Variants in CASK observed in about 807,000 individuals in gnomAD.
CASK encodes peripheral plasma membrane protein CASK.
A neutral mutation model predicts 82.9 loss-of-function variants in CASK; 4 were observed. The observed-to-expected ratio is 0.05, with a 90% CI of 0.02 to 0.11. CASK has a LOEUF of 0.11. CASK is among the 10% of genes least tolerant of loss of function. The probability of loss-of-function intolerance (pLI) is 1.00; values close to 1 mark genes in which losing one functional copy is unlikely to be tolerated. For missense variants in CASK, 358 were observed against 720.9 expected, an observed-to-expected ratio of 0.50 and a Z score of 5.76; for synonymous variants, 259 against 253.5, an observed-to-expected ratio of 1.02 and a Z score of -0.20.
intron 5 of CASK, among the ~76,000 whole-genome samples, chrX:41,707,414 A>G (rs1396678501): frequency 1.8e-5 from 2 of 112,003 alleles, no homozygotes; most frequent in Non-Finnish European, 3.8e-5. Context: ...ACAGATGACT[A>G]AGCTGCATGA....
intron 3 of CASK, among the ~76,000 whole-genome samples, chrX:41,779,918 T>C (rs1211851625): frequency 9.0e-6 from 1 of 111,286 alleles, no homozygotes; most frequent in African/African-American, 3.3e-5. Context: ...AAACTGCTAA[T>C]ATTATTTTAA....
At chrX:41,528,162 A>C (rs910412339) in intron 25 of CASK, among the ~76,000 whole-genome samples, 1 of 112,607 alleles carries the variant, frequency 8.9e-6, no homozygotes, top group Non-Finnish European at 1.9e-5. Context: ...CAATTATGTT[A>C]AGCCTTGGTT....
At chrX:41,744,960 G>A (rs1401547325) in intron 4 of CASK, among the ~76,000 whole-genome samples, 1 of 111,712 alleles carries the variant, frequency 9.0e-6, no homozygotes, top group Non-Finnish European at 1.9e-5. Context: ...CATCAGAAAT[G>A]GGAAAGACAG....
intron 5 of CASK, chrX:41,727,526 T>C (rs1425997152): frequency 2.5e-6 from 3 of 1,210,219 alleles, no homozygotes; most frequent in Admixed American, 4.3e-5. Context: ...CTGGGCATAA[T>C]CATTCCAGTT....
In CASK at chrX:41,829,627, G is replaced by A. The variant is rs1189907770; in HGVS notation, c.172+23488C>T. 2.5e-3 allele frequency among the ~76,000 whole-genome samples: 26 copies of A among 10,356 alleles called. 1 individual carries two copies. The highest frequency in any genetic ancestry group is 3.6e-3 in the Non-Finnish European group (23 of 6,473). 9.0% of individuals were successfully genotyped at this position (10,356 alleles called of 115,157 possible). On this transcript the variant is annotated intron_variant, in intron 2 of 26. Coordinates refer to ENST00000378163, the MANE Select transcript of CASK (RefSeq NM_001367721.1). The stretch of plus-strand genomic sequence containing the variant: ...TTTTGTTTTTTTTTTTTTTGGGGGG[G>A]TGGGGGTGAACATATGTTAAGACAT...
At chrX:41,900,417 C>G (rs2072348734) in intron 1 of CASK, among the ~76,000 whole-genome samples, 1 of 110,554 alleles carries the variant, frequency 9.0e-6, no homozygotes, top group Non-Finnish European at 1.9e-5. Context: ...CTCATAACTC[C>G]CATAGGCTGT....
chrX:41,869,824 A>AAAAAAAAAAAAAAAAAC, intron 1 of CASK, among the ~76,000 whole-genome samples: 1 of 101,506 alleles, frequency 9.9e-6, no homozygotes, highest in Non-Finnish European at 2.0e-5. Flanking sequence ...AAAAAAAAAA[A>AAAAAAAAAAAAAAAAAC]AAAAAAAAAA....
chrX:41,584,201 A>G (rs1328482921), intron 14 of CASK: 1 of 112,959 alleles, frequency 8.9e-6, no homozygotes, highest in African/African-American at 3.2e-5. Flanking sequence ...GGAGCAACTA[A>G]TAATAGGTAT....
At chrX:41,593,543 T>C (rs965991175) in intron 12 of CASK, among the ~76,000 whole-genome samples, 8 of 111,734 alleles carry the variant, frequency 7.2e-5, no homozygotes, top group African/African-American at 2.3e-4. Context: ...CAGAAATGTA[T>C]GAAGGATTCA....
chrX:41,626,026 A>G (rs1419010126), intron 10 of CASK, among the ~76,000 whole-genome samples: 2 of 97,810 alleles, frequency 2.0e-5, no homozygotes, highest in Non-Finnish European at 4.1e-5. Flanking sequence ...CTGGTCTCGA[A>G]CTCCTGACCT....
intron 3 of CASK, among the ~76,000 whole-genome samples, chrX:41,770,260 C>CTATG (rs1372475510): frequency 1.5e-5 from 1 of 68,165 alleles, no homozygotes; most frequent in Non-Finnish European, 3.0e-5. Context: ...TATCTATCAT[C>CTATG]TATCTATCTA....
chrX:41,788,287 A>G (rs1327716933), intron 2 of CASK, among the ~76,000 whole-genome samples: 1 of 111,039 alleles, frequency 9.0e-6, no homozygotes, highest in Admixed American at 9.6e-5. Flanking sequence ...TATTTGGAAA[A>G]CAAAGTTGTT....
chrX:41,859,943 C>A (rs1446416049), intron 1 of CASK, among the ~76,000 whole-genome samples: 2 of 110,732 alleles, frequency 1.8e-5, no homozygotes, highest in Non-Finnish European at 3.8e-5. Flanking sequence ...AACACAACTA[C>A]CATGAATAAT....
intron 1 of CASK, among the ~76,000 whole-genome samples, chrX:41,870,945 G>A (rs781599273): frequency 1.8e-5 from 2 of 112,271 alleles, no homozygotes; most frequent in Non-Finnish European, 3.8e-5. Context: ...AACAGTTTCT[G>A]TAGGTCAGGA....
chrX:41,687,685 G>A (rs7066451), intron 5 of CASK, among the ~76,000 whole-genome samples: 46,397 of 109,858 alleles, frequency 0.42, 7,409 homozygotes, highest in East Asian at 0.85. Context: ...GGGGCTGGGC[G>A]CAATGGCTCA....
intron 2 of CASK, among the ~76,000 whole-genome samples, chrX:41,788,050 G>A (rs748129576): frequency 9.3e-5 from 10 of 107,659 alleles, no homozygotes; most frequent in South Asian, 8.2e-4. Context: ...CCTGCTACTC[G>A]GGAGGCTGAG....
At chrX:41,539,352 C>T (rs1443576180) in intron 22 of CASK, among the ~76,000 whole-genome samples, 1 of 112,230 alleles carries the variant, frequency 8.9e-6, no homozygotes, top group Non-Finnish European at 1.9e-5. Context: ...AATGTCAGAA[C>T]TTGATAAGGT....
At chrX:41,658,892 A>T (rs557806087) in intron 8 of CASK, among the ~76,000 whole-genome samples, 1 of 111,774 alleles carries the variant, frequency 8.9e-6, no homozygotes, top group South Asian at 3.8e-4. Context: ...GACTGGGTTC[A>T]TGGGAAAGGA....
intron 1 of CASK, among the ~76,000 whole-genome samples, chrX:41,919,520 G>A (rs2072749641): frequency 8.9e-6 from 1 of 112,172 alleles, no homozygotes; most frequent in African/African-American, 3.2e-5. Flanking sequence ...TAGTATTACC[G>A]GTTGTACACT....
Sources: gnomAD v4.1 joint callset for allele counts (sites outside exome capture counted in the v4.1 genomes callset) on GRCh38, gnomAD v4.1.1 for gene constraint, MANE v1.5 for transcripts, NCBI Gene and HGNC (gene_info 2026-07-23, HGNC 2026-07-21) for gene names.